CACNB4: variants seen among roughly 807,000 people sequenced by gnomAD.
The protein encoded by CACNB4 is voltage-dependent L-type calcium channel subunit beta-4.
Under a neutral mutation model 71.2 loss-of-function variants are expected in CACNB4, and 32 were observed. That is an observed-to-expected ratio of 0.45 (90% confidence interval 0.34 to 0.60). The LOEUF (loss-of-function observed/expected upper bound fraction) is 0.60. CACNB4 is among the 20% of genes least tolerant of loss of function. The pLI, the probability that CACNB4 is intolerant of heterozygous loss-of-function variation, is 0.01. For synonymous variants in CACNB4, 231 were observed against 236.9 expected (o/e 0.97, Z 0.23); for missense variants, 464 against 647.9 (o/e 0.72, Z 3.08).
At chr2:152,055,075 A>G (rs6433803) in intron 2 of CACNB4, among the ~76,000 whole-genome samples, 151,602 of 152,344 alleles carry the variant, frequency 1, 75,434 homozygotes, top group Middle Eastern at 1. Flanking sequence ...GCAGTGGCAC[A>G]ATCTCAGCTC....
At chr2:152,021,611 T>C (rs1683670946) in intron 2 of CACNB4, among the ~76,000 whole-genome samples, 1 of 152,236 alleles carries the variant, frequency 6.6e-6, no homozygotes, top group East Asian at 1.9e-4. Flanking sequence ...TATTTGACAT[T>C]CATTCTAAAT....
rs2099865609 is a variant in CACNB4 at position 151,946,339 on chromosome 2, A to G, written c.148-62969T>C. Among the ~76,000 whole-genome samples, 7 of 151,980 alleles carry G rather than the reference A, an allele frequency of 4.6e-5. No homozygotes were observed. The South Asian group carries it at 1.5e-3, about 32-fold the overall frequency. On this transcript the variant is annotated intron_variant, in intron 2 of 13. Coordinates refer to ENST00000539935, the MANE Select transcript of CACNB4 (RefSeq NM_000726.5). ...AGTAAAACTCTGTCGCAAAAAAAAA[A>G]AAAGGCTCCCAATGAGGCTTCAGTG... is the stretch of plus-strand genomic sequence containing the variant.
At chr2:151,988,591 T>C (rs1421274600) in intron 2 of CACNB4, among the ~76,000 whole-genome samples, 1 of 152,192 alleles carries the variant, frequency 6.6e-6, no homozygotes, top group Non-Finnish European at 1.5e-5. Flanking sequence ...TTTCTCTGAA[T>C]TTTGGAGGCT....
chr2:151,893,082 C>T (rs538983118), intron 2 of CACNB4, among the ~76,000 whole-genome samples: 53 of 152,032 alleles, frequency 3.5e-4, no homozygotes, highest in Non-Finnish European at 6.6e-4. Flanking sequence ...TTGGTACTGG[C>T]GCAGATCAAT....
Position 151,839,094 on chromosome 2 carries a change from A to G in CACNB4, c.*25T>C. ...CACTGCTATGGCAAATTGTCAACAG[A>G]TGAATATTTTTTGTTTCATTAGACT... On this transcript the variant is annotated 3_prime_UTR_variant, in exon 14 of 14. Transcript: ENST00000539935. 6.3e-7 allele frequency: 1 copy of G among 1,596,196 alleles called. No individual in the cohort carries two copies. The highest frequency in any genetic ancestry group is 8.6e-7 in the Non-Finnish European group (1 of 1,168,234).
At chr2:151,890,381 G>C (rs1483208254) in intron 2 of CACNB4, among the ~76,000 whole-genome samples, 2 of 152,164 alleles carry the variant, frequency 1.3e-5, no homozygotes, top group African/African-American at 4.8e-5. Context: ...GGAAGAGAAT[G>C]AATGTTTGCT....
At chr2:152,026,670 G>T (rs556747823) in intron 2 of CACNB4, among the ~76,000 whole-genome samples, 1 of 152,074 alleles carries the variant, frequency 6.6e-6, no homozygotes, top group Non-Finnish European at 1.5e-5. Context: ...ATGAGCCACT[G>T]CACTCGGCCT....
chr2:152,006,425 T>C (rs1448913331), intron 2 of CACNB4, among the ~76,000 whole-genome samples: 1 of 146,286 alleles, frequency 6.8e-6, no homozygotes, highest in East Asian at 2.0e-4. Context: ...TTCTTTGAGA[T>C]GGAGTCTCAC....
At chr2:151,884,634 CAAAAA>C (rs35506114) in intron 2 of CACNB4, among the ~76,000 whole-genome samples, 124 of 61,508 alleles carry the variant, frequency 2.0e-3, no homozygotes, top group African/African-American at 7.4e-3. Context: ...GACTCCGTCT[CAAAAA>C]AAAAAAAAAA....
At chr2:151,973,830 T>G (rs2099873257) in intron 2 of CACNB4, 2 of 1,504,020 alleles carry the variant, frequency 1.3e-6, no homozygotes, top group Admixed American at 4.4e-5. Context: ...GCCTTATCAA[T>G]TCCTGTGGAT....
At position 152,098,531 on chromosome 2, in the gene CACNB4, G is replaced by T; in HGVS notation, c.64-118C>A. 7.4e-7 allele frequency: 1 copy of T among 1,351,722 alleles called. No individual in the cohort carries two copies. The highest frequency in any genetic ancestry group is 1.0e-6 in the Non-Finnish European group (1 of 952,630). 83.7% of individuals were successfully genotyped at this position (1,351,722 alleles called of 1,614,324 possible). ...CGCTCCCTGGGGTCCCCTAGAGCCC[G>T]CACCCAAGTCTCCTCCGCGACTCCC... is the stretch of plus-strand genomic sequence containing the variant. On this transcript the variant is annotated intron_variant, in intron 1 of 13. Coordinates refer to ENST00000539935, the MANE Select transcript of CACNB4 (RefSeq NM_000726.5). This position sits in a 1 kb window ranked among gnomAD's most constrained non-coding sequence, Gnocchi z 5.3.
chr2:151,916,279 A>C (rs7566512), intron 2 of CACNB4, among the ~76,000 whole-genome samples: 12,720 of 152,150 alleles, frequency 0.084, 1,411 homozygotes, highest in East Asian at 0.56. Context: ...TTTTTTATGC[A>C]TAAAATTAGA....
chr2:152,049,122 T>C (rs187464340), intron 2 of CACNB4, among the ~76,000 whole-genome samples: 59 of 152,242 alleles, frequency 3.9e-4, no homozygotes, highest in Admixed American at 1.8e-3. Context: ...TTCCTGTTCA[T>C]ACCTTGATAC....
chr2:152,041,139 C>A (rs1432378522), intron 2 of CACNB4, among the ~76,000 whole-genome samples: 1 of 152,176 alleles, frequency 6.6e-6, no homozygotes, highest in Non-Finnish European at 1.5e-5. Flanking sequence ...TTTCTCCCCA[C>A]AAACTTTTGG....
intron 2 of CACNB4, among the ~76,000 whole-genome samples, chr2:152,059,816 T>G (rs1295198775): frequency 6.6e-6 from 1 of 152,194 alleles, no homozygotes; most frequent in Non-Finnish European, 1.5e-5. Context: ...TACCCAAATC[T>G]CATTTTGAAT....
chr2:151,896,372 C>T (rs1290973697), intron 2 of CACNB4, among the ~76,000 whole-genome samples: 1 of 152,114 alleles, frequency 6.6e-6, no homozygotes. Context: ...ATGGTGGGCC[C>T]CTTGTGCACA....
chr2:152,098,743 G>T lies in CACNB4; in HGVS notation c.63+206C>A. 5 of 1,520,910 alleles carry T rather than the reference G, an allele frequency of 3.3e-6. No individual in the cohort carries two copies. Among genetic ancestry groups the T allele is most frequent in the South Asian group, 1.2e-5 (1 of 82,320 alleles). The allele number at this position is 1,520,910 out of a possible 1,614,324, so 94.2% of individuals were successfully genotyped here. A position where few individuals can be genotyped will look rare whatever the true frequency, so the allele number is the denominator to read the frequency against. The stretch of plus-strand genomic sequence containing the variant: ...GCGGGAGCGCAGAGACCCGAAGGAG[G>T]GTGAGGAGGAGGAGGAAGAGAAGGA... On this transcript the variant is annotated intron_variant, in intron 1 of 13. Coordinates refer to ENST00000539935, the MANE Select transcript of CACNB4 (RefSeq NM_000726.5). The surrounding 1 kb of genome is among the most constrained non-coding windows in gnomAD (Gnocchi z 5.3).
At chr2:151,965,660 T>G (rs2099870891) in intron 2 of CACNB4, among the ~76,000 whole-genome samples, 1 of 152,130 alleles carries the variant, frequency 6.6e-6, no homozygotes, top group Non-Finnish European at 1.5e-5. Flanking sequence ...GGAAAAATAA[T>G]TTAAAGCAGA....
chr2:151,944,085 A>G (rs1272429163), intron 2 of CACNB4, among the ~76,000 whole-genome samples: 1 of 149,614 alleles, frequency 6.7e-6, no homozygotes, highest in African/African-American at 2.5e-5. Context: ...CTGGAGTGCA[A>G]TGGAGTGACC....
Sources: gnomAD v4.1 joint callset for allele counts (sites outside exome capture counted in the v4.1 genomes callset) on GRCh38, gnomAD v4.1.1 for gene constraint, Gnocchi (gnomAD v3.1) non-coding constraint, MANE v1.5 for transcripts, NCBI Gene and HGNC (gene_info 2026-07-23, HGNC 2026-07-21) for gene names.